NCKAP1: variants seen among roughly 807,000 people sequenced by gnomAD.
NCKAP1 encodes nck-associated protein 1.
In NCKAP1, 21 loss-of-function variants were observed where a neutral mutation model predicts 151.2. That is an observed-to-expected ratio of 0.14 (90% confidence interval 0.10 to 0.20). NCKAP1 has a LOEUF of 0.20. NCKAP1 is among the 10% of genes least tolerant of loss of function. The probability of loss-of-function intolerance (pLI) is 1.00; values close to 1 mark genes in which losing one functional copy is unlikely to be tolerated. For synonymous variants in NCKAP1, 484 were observed against 451.8 expected (o/e 1.07, Z -0.90); for missense variants, 933 against 1,352.1 (o/e 0.69, Z 4.86).
At chr2:182,935,794 C>T (rs933233523) in intron 24 of NCKAP1, among the ~76,000 whole-genome samples, 15 of 152,090 alleles carry the variant, frequency 9.9e-5, no homozygotes, top group South Asian at 4.1e-4. Context: ...AATCCTCAAG[C>T]GGCCCAGGAA....
chr2:183,011,300 A>C (rs1698586138), intron 2 of NCKAP1, among the ~76,000 whole-genome samples: 1 of 152,210 alleles, frequency 6.6e-6, no homozygotes, highest in African/African-American at 2.4e-5. Flanking sequence ...TTACAGCTTT[A>C]TTAAGGTACA....
chr2:182,982,893 C>T lies in NCKAP1; in HGVS notation c.1136G>A (p.Arg379His), dbSNP rs867438892. Reference protein sequence around the residue: ...LFVFMALSFARDEIIWLLRHA... With the variant: ...LFVFMALSFAHDEIIWLLRHA... Reference sequence around the variant, plus strand: ...ACGAAGTAGCCAGATGATTTCATCACGGGCAAAGGATAATGCCATAAAAAC... The same window carrying T: ...ACGAAGTAGCCAGATGATTTCATCATGGGCAAAGGATAATGCCATAAAAAC... Residue 379 changes from arginine to histidine, a missense_variant, in exon 12 of 31, where the codon CGT becomes CAT. By Grantham distance (29) the Arg-to-His change is conservative. Transcript: ENST00000361354. 12 of 1,610,668 alleles carry T rather than the reference C, an allele frequency of 7.5e-6. No homozygotes were observed. The highest frequency in any genetic ancestry group is 1.7e-4 in the Middle Eastern group (1 of 5,986).
chr2:183,017,402 ACAGATCAT>A (rs1698713632), intron 2 of NCKAP1, among the ~76,000 whole-genome samples: 1 of 152,176 alleles, frequency 6.6e-6, no homozygotes, highest in Admixed American at 6.5e-5. Context: ...GGAGACGGTG[ACAGATCAT>A]CAGGCATTAG....
Position 182,930,755 on chromosome 2 carries a change from C to T in NCKAP1, c.2893G>A (p.Ala965Thr). 1 of 1,613,404 alleles carries T rather than the reference C, an allele frequency of 6.2e-7. No homozygotes were observed. Among genetic ancestry groups the T allele is most frequent in the Non-Finnish European group, 8.5e-7 (1 of 1,179,422 alleles). The change falls in exon 27 of 31, where the codon GCC (alanine) becomes ACC (threonine). Residue 965 changes from alanine (A) to threonine (T), a missense_variant. By Grantham distance (58) the Ala-to-Thr change is moderately conservative (BLOSUM62 0). Around this residue, in one of 2 missense-constraint regions of NCKAP1, gnomAD observed 326 missense variants for 557.1 expected, o/e 0.59. Coordinates refer to ENST00000361354, the MANE Select transcript of NCKAP1 (RefSeq NM_013436.5). The part of the protein sequence containing the change: ...AMNVYELSSA[A>T]GLPCEIDPAL... ...GGATCAATCTCACAAGGTAATCCGG[C>T]AGCTGATGATAACTCATACACATTC...
rs1279871650 is a variant in NCKAP1 at position 182,967,277 on chromosome 2, T to A, written c.1567A>T (p.Thr523Ser). ...TCCACCAAGGAATCTACCATTTTTGTATGAAAAATTATTGTATTCATCATC... is the reference window on the plus strand; with the variant it reads ...TCCACCAAGGAATCTACCATTTTTGAATGAAAAATTATTGTATTCATCATC... ...GKMMNTIIFH[T>S]KMVDSLVEML... Residue 523 changes from threonine (T) to serine (S), a missense_variant, in exon 16 of 31, where the codon ACA (threonine) becomes TCA (serine). Thr to Ser is a moderately conservative substitution (Grantham distance 58). Coordinates refer to ENST00000361354, the MANE Select transcript of NCKAP1 (RefSeq NM_013436.5). The A allele has an allele frequency of 6.2e-7, 1 of 1,611,920 alleles. No individual in the cohort carries two copies. Among genetic ancestry groups the A allele is most frequent in the African/African-American group, 1.3e-5 (1 of 74,830 alleles).
chr2:183,001,936 T>G lies in NCKAP1; in HGVS notation c.603+17A>C. The stretch of plus-strand genomic sequence containing the variant: ...TTATATGCCCATTCTCTCATATGCC[T>G]AACAACTGCCTCTTACCTTGCTATG... On this transcript the variant is annotated intron_variant, in intron 6 of 30. Coordinates refer to ENST00000361354, the MANE Select transcript of NCKAP1 (RefSeq NM_013436.5). 1 of 1,599,032 alleles carries G rather than the reference T, an allele frequency of 6.3e-7. No individual in the cohort carries two copies. The highest frequency in any genetic ancestry group is 8.6e-7 in the Non-Finnish European group (1 of 1,166,648).
chr2:183,014,562 T>C (rs948307907), intron 2 of NCKAP1, among the ~76,000 whole-genome samples: 1 of 152,206 alleles, frequency 6.6e-6, no homozygotes, highest in African/African-American at 2.4e-5. Context: ...CTAGCCTGCA[T>C]ACTCTTGGCC....
intron 15 of NCKAP1, 138 bp from the exon 16 acceptor site, chr2:182,967,499 G>A: frequency 1.4e-6 from 1 of 735,116 alleles, no homozygotes; most frequent in South Asian, 1.9e-5. Flanking sequence ...TACTGTGTTA[G>A]TTGTCTGTAG....
intron 23 of NCKAP1, among the ~76,000 whole-genome samples, chr2:182,949,867 T>C (rs1265400750): frequency 6.6e-6 from 1 of 152,244 alleles, no homozygotes; most frequent in Non-Finnish European, 1.5e-5. Flanking sequence ...GCCTAATATG[T>C]GTTAGGTCTG....
chr2:182,997,626 T>C (rs757450826), intron 6 of NCKAP1, among the ~76,000 whole-genome samples: 20 of 152,202 alleles, frequency 1.3e-4, no homozygotes, highest in African/African-American at 4.3e-4. Context: ...TTTTAATTTA[T>C]TGAGATTTGC....
chr2:182,965,348 C>T (rs1472883623), intron 16 of NCKAP1, among the ~76,000 whole-genome samples: 3 of 149,254 alleles, frequency 2.0e-5, no homozygotes, highest in South Asian at 2.1e-4. Flanking sequence ...TTTTTTTAGA[C>T]GGGGGACACT....
In NCKAP1 at chr2:182,915,965, G is replaced by T. The variant is rs1443280590; in HGVS notation, c.*9737C>A. 1 of 151,808 alleles carries T rather than the reference G, an allele frequency of 6.6e-6. No individual in the cohort carries two copies. The highest frequency in any genetic ancestry group is 1.5e-5 in the Non-Finnish European group (1 of 67,976). 9.4% of individuals were successfully genotyped at this position (151,808 alleles called of 1,614,324 possible). A position where few individuals can be genotyped will look rare whatever the true frequency, so the allele number is the denominator to read the frequency against. On this transcript the variant is annotated 3_prime_UTR_variant, in exon 31 of 31. Coordinates refer to ENST00000361354, the MANE Select transcript of NCKAP1 (RefSeq NM_013436.5). ...CACCTTTTGTCTATTTATACAAGGG[G>T]CTCAGATTCTGCATCTTCTCCCCCT...
At chr2:183,008,537 C>T (rs1216895651) in intron 2 of NCKAP1, among the ~76,000 whole-genome samples, 1 of 86,556 alleles carries the variant, frequency 1.2e-5, no homozygotes, top group African/African-American at 2.7e-5. Context: ...TCATATTGGT[C>T]TTCCTGCTGT....
intron 23 of NCKAP1, among the ~76,000 whole-genome samples, chr2:182,948,216 T>C (rs994408047): frequency 6.6e-6 from 1 of 151,948 alleles, no homozygotes; most frequent in African/African-American, 2.4e-5. Flanking sequence ...TACCAAAAAA[T>C]ATTACTACAA....
At chr2:182,991,551 CAA>C (rs1698170889) in intron 8 of NCKAP1, among the ~76,000 whole-genome samples, 2 of 151,308 alleles carry the variant, frequency 1.3e-5, no homozygotes, top group African/African-American at 4.9e-5. Context: ...AGAAAAGACT[CAA>C]GTCTCAAAAG....
intron 18 of NCKAP1, 101 bp downstream of exon 18, chr2:182,962,058 T>C: frequency 7.4e-6 from 9 of 1,217,254 alleles, no homozygotes; most frequent in Non-Finnish European, 1.0e-5. Flanking sequence ...ACTAATAGTG[T>C]GGGAACTAAA....
intron 1 of NCKAP1, among the ~76,000 whole-genome samples, chr2:183,026,202 G>A (rs1316413447): frequency 6.6e-6 from 1 of 152,178 alleles, no homozygotes; most frequent in African/African-American, 2.4e-5. Context: ...AGAAATGGGG[G>A]CTAAGGGGCT....
chr2:182,988,451 T>G (rs899257051), intron 9 of NCKAP1, among the ~76,000 whole-genome samples: 21 of 152,186 alleles, frequency 1.4e-4, no homozygotes, highest in African/African-American at 4.6e-4. Flanking sequence ...ATATATTGGC[T>G]ACAGAATCTC....
At chr2:182,982,387 G>T (rs1267249773) in intron 12 of NCKAP1, among the ~76,000 whole-genome samples, 1 of 152,092 alleles carries the variant, frequency 6.6e-6, no homozygotes, top group Non-Finnish European at 1.5e-5. Flanking sequence ...TCAGAATATA[G>T]ATGGTGCACA....
Sources: allele counts gnomAD v4.1 joint callset (sites outside exome capture counted in the v4.1 genomes callset), GRCh38; gene constraint gnomAD v4.1.1; regional missense constraint gnomAD v4.1.1; transcripts MANE v1.5; gene names NCBI Gene and HGNC (gene_info 2026-07-23, HGNC 2026-07-21).